The following GSK3B variants were observed in gnomAD, a reference collection of about 807,000 sequenced individuals.
The protein encoded by GSK3B is glycogen synthase kinase-3 beta.
A neutral mutation model predicts 56.4 loss-of-function variants in GSK3B; 15 were observed. That is an observed-to-expected ratio of 0.27 (90% CI 0.18 to 0.41). GSK3B has a LOEUF of 0.41. Ranked by LOEUF, GSK3B falls within the 10% of genes least tolerant of loss-of-function variation. The probability of loss-of-function intolerance (pLI) is 1.00; values close to 1 mark genes in which losing one functional copy is unlikely to be tolerated. For missense variants in GSK3B, 300 were observed against 513.4 expected, an observed-to-expected ratio of 0.58 and a Z score of 4.02; for synonymous variants, 181 against 188.9, an observed-to-expected ratio of 0.96 and a Z score of 0.34.
intron 2 of GSK3B, among the ~76,000 whole-genome samples, chr3:119,986,169 T>G (rs957700612): frequency 3.3e-5 from 5 of 152,150 alleles, no homozygotes; most frequent in African/African-American, 1.2e-4. Context: ...CCTTACACCT[T>G]ATAGAAAAAT....
At chr3:119,883,046 T>A (rs2056396670) in intron 7 of GSK3B, among the ~76,000 whole-genome samples, 1 of 152,106 alleles carries the variant, frequency 6.6e-6, no homozygotes, top group Non-Finnish European at 1.5e-5. Context: ...GCAAAGAAAA[T>A]CCTATTCATC....
At chr3:119,877,905 A>G (rs2056332336) in intron 7 of GSK3B, among the ~76,000 whole-genome samples, 2 of 152,202 alleles carry the variant, frequency 1.3e-5, no homozygotes, top group Admixed American at 1.3e-4. Context: ...ACTCATCTTT[A>G]TAAGACCGTG....
intron 2 of GSK3B, among the ~76,000 whole-genome samples, chr3:119,997,411 T>C (rs995794245): frequency 2.0e-5 from 3 of 152,134 alleles, no homozygotes; most frequent in African/African-American, 7.2e-5. Flanking sequence ...ACAGAAAAAT[T>C]ACTACACATA....
chr3:120,006,117 G>T (rs1418242125), intron 1 of GSK3B, among the ~76,000 whole-genome samples: 7 of 151,368 alleles, frequency 4.6e-5, no homozygotes, highest in Admixed American at 4.6e-4. Context: ...AAAAAATCCT[G>T]GTCTCTGATA....
At chr3:119,959,531 T>A (rs957203993) in intron 2 of GSK3B, among the ~76,000 whole-genome samples, 18 of 61,390 alleles carry the variant, frequency 2.9e-4, no homozygotes, top group South Asian at 6.0e-4. Context: ...TTTTTTTTTT[T>A]AAAGACAGAG....
intron 6 of GSK3B, among the ~76,000 whole-genome samples, chr3:119,907,174 A>G (rs937928892): frequency 6.6e-6 from 1 of 152,140 alleles, no homozygotes; most frequent in African/African-American, 2.4e-5. Flanking sequence ...AAGTTTTAAA[A>G]CATCCCTTTA....
At chr3:119,845,772 C>A (rs1359625725) in intron 9 of GSK3B, among the ~76,000 whole-genome samples, 1 of 152,130 alleles carries the variant, frequency 6.6e-6, no homozygotes, top group Non-Finnish European at 1.5e-5. Context: ...CTATTCCCAT[C>A]GAACTACCAC....
At chr3:119,966,740 G>C (rs2057322037) in intron 2 of GSK3B, among the ~76,000 whole-genome samples, 1 of 152,090 alleles carries the variant, frequency 6.6e-6, no homozygotes, top group South Asian at 2.1e-4. Flanking sequence ...ATCTCAGGGT[G>C]ATCTTTATAA....
intron 7 of GSK3B, among the ~76,000 whole-genome samples, chr3:119,900,478 C>A (rs572368739): frequency 2.0e-5 from 3 of 151,980 alleles, no homozygotes; most frequent in Non-Finnish European, 2.9e-5. Flanking sequence ...AAACTCTGGA[C>A]TGAAATTCAT....
In GSK3B at chr3:119,993,244, G is replaced by T. The variant is rs922336; in HGVS notation, c.282+8802C>A. Among the ~76,000 whole-genome samples the T allele has an allele frequency of 1.1e-3, 161 of 152,014 alleles. 3 individuals carry two copies. In the East Asian group the frequency reaches 0.028, roughly 26 times the overall value. ...TAATGAGGTTGGCCATCTACAGGGA[G>T]TGAGTGGAAATAAAATAGAAAGAAT... On this transcript the variant is annotated intron_variant, in intron 2 of 10. Coordinates refer to ENST00000264235, the MANE Select transcript of GSK3B (RefSeq NM_001146156.2).
At chr3:120,024,804 G>A (rs1047891884) in intron 1 of GSK3B, among the ~76,000 whole-genome samples, 14 of 152,170 alleles carry the variant, frequency 9.2e-5, no homozygotes, top group Admixed American at 9.2e-4. Flanking sequence ...GTGTGAGAGG[G>A]TAGGGGGAGG....
intron 7 of GSK3B, among the ~76,000 whole-genome samples, chr3:119,901,143 T>C (rs1466991160): frequency 6.6e-6 from 1 of 152,162 alleles, no homozygotes; most frequent in Non-Finnish European, 1.5e-5. Flanking sequence ...AAATTCCTGG[T>C]AGAGATTTTC....
chr3:119,932,088 G>T (rs2056951232), intron 3 of GSK3B, among the ~76,000 whole-genome samples: 1 of 152,164 alleles, frequency 6.6e-6, no homozygotes, highest in South Asian at 2.1e-4. Context: ...GTTATCTCCA[G>T]ATAACTTCTG....
chr3:119,849,335 GA>G (rs2055897946), intron 9 of GSK3B, among the ~76,000 whole-genome samples: 1 of 152,120 alleles, frequency 6.6e-6, no homozygotes, highest in Non-Finnish European at 1.5e-5. Flanking sequence ...AAGAACAACT[GA>G]AAAAACAATC....
intron 4 of GSK3B, 28 bp from the exon 5 acceptor site, chr3:119,916,202 A>G (rs2056778755): frequency 6.4e-7 from 1 of 1,560,446 alleles, no homozygotes; most frequent in African/African-American, 1.4e-5. Flanking sequence ...AATTAATTAA[A>G]TACTTCCTAT....
chr3:119,865,021 T>TA (rs1469094932), intron 8 of GSK3B, among the ~76,000 whole-genome samples: 7 of 152,176 alleles, frequency 4.6e-5, no homozygotes, highest in African/African-American at 1.7e-4. Flanking sequence ...AAGGAAACCT[T>TA]AGAGTTACTG....
chr3:120,079,032 G>C (rs334553), intron 1 of GSK3B, among the ~76,000 whole-genome samples: 80,108 of 148,536 alleles, frequency 0.54, 24,983 homozygotes, highest in African/African-American at 0.88. Flanking sequence ...CCTCTGCTTT[G>C]CCAGGTTCAA....
rs2058346288 is a variant in GSK3B, at chr3:120,073,721, A to G, written c.88+19626T>C. ...CATACAGTGGAGCAATTAAGAGAACAGGTTCGAAGTATGGCTATGCATCTT... is the reference window on the plus strand; with the variant it reads ...CATACAGTGGAGCAATTAAGAGAACGGGTTCGAAGTATGGCTATGCATCTT... On this transcript the variant is annotated intron_variant, in intron 1 of 10. Transcript: ENST00000264235. Among the ~76,000 whole-genome samples, 3 of 152,292 alleles carry G rather than the reference A, an allele frequency of 2.0e-5. No homozygotes were observed. The South Asian group carries it at 6.2e-4, about 32-fold the overall frequency.
intron 7 of GSK3B, among the ~76,000 whole-genome samples, chr3:119,884,170 G>A (rs1467466936): frequency 6.6e-6 from 1 of 152,126 alleles, no homozygotes; most frequent in Non-Finnish European, 1.5e-5. Flanking sequence ...CCATAAGACA[G>A]TGACACCATG....
Sources: gnomAD v4.1 joint callset for allele counts (sites outside exome capture counted in the v4.1 genomes callset) on GRCh38, gnomAD v4.1.1 for gene constraint, MANE v1.5 for transcripts, NCBI Gene and HGNC (gene_info 2026-07-23, HGNC 2026-07-21) for gene names.